The following PPP2R2C variants were observed in gnomAD, a reference collection of about 807,000 sequenced individuals.
The protein encoded by PPP2R2C is protein phosphatase 2 regulatory subunit Bgamma.
In PPP2R2C, 10 loss-of-function variants were observed where a neutral mutation model predicts 45.3. The observed-to-expected ratio is 0.22, with a 90% CI of 0.14 to 0.37. The LOEUF is 0.37. Among genes scored for constraint, PPP2R2C ranks in the 10% least tolerant of loss-of-function variants. The pLI, the probability that PPP2R2C is intolerant of heterozygous loss-of-function variation, is 1.00. For missense variants in PPP2R2C, 308 were observed against 619.7 expected, an observed-to-expected ratio of 0.50 and a Z score of 5.34; for synonymous variants, 257 against 245.4, an observed-to-expected ratio of 1.05 and a Z score of -0.44.
chr4:6,425,857 ATGTGTGGGGTGTGTG>A (rs1215759261), intron 1 of PPP2R2C, among the ~76,000 whole-genome samples: 5 of 148,786 alleles, frequency 3.4e-5, no homozygotes, highest in African/African-American at 1.2e-4. Flanking sequence ...TTATGTGTGT[ATGTGTGGGGTGTGTG>A]TGTGTGGTGT....
intron 1 of PPP2R2C, among the ~76,000 whole-genome samples, chr4:6,404,251 C>T (rs1182582113): frequency 1.3e-5 from 2 of 152,154 alleles, no homozygotes; most frequent in African/African-American, 4.8e-5. Flanking sequence ...TTCCCCAAAG[C>T]CCGGCTGAAG....
chr4:6,410,704 C>T (rs1718112335), intron 1 of PPP2R2C, among the ~76,000 whole-genome samples: 1 of 152,036 alleles, frequency 6.6e-6, no homozygotes, highest in Non-Finnish European at 1.5e-5. Context: ...AAGCCCATCC[C>T]TGCCACTTAC....
intron 1 of PPP2R2C, among the ~76,000 whole-genome samples, chr4:6,545,638 C>T (rs1333121080): frequency 6.6e-6 from 1 of 152,216 alleles, no homozygotes; most frequent in East Asian, 1.9e-4. Context: ...GGCTGCACCT[C>T]TCTGACATCA....
At chr4:6,468,126 G>A (rs1229077964) in intron 1 of PPP2R2C, among the ~76,000 whole-genome samples, 3 of 152,298 alleles carry the variant, frequency 2.0e-5, no homozygotes, top group East Asian at 1.9e-4. Context: ...CAGCTGCAAC[G>A]TCCACCATAA....
chr4:6,541,473 G>A (rs1223036455), intron 1 of PPP2R2C, among the ~76,000 whole-genome samples: 3 of 152,126 alleles, frequency 2.0e-5, no homozygotes, highest in African/African-American at 7.2e-5. Context: ...AGCAGAGGTG[G>A]ACAGAGTGGT....
At chr4:6,445,261 G>A (rs1720361370) in intron 1 of PPP2R2C, among the ~76,000 whole-genome samples, 1 of 151,854 alleles carries the variant, frequency 6.6e-6, no homozygotes, top group African/African-American at 2.4e-5. Context: ...GGCAGTCTCT[G>A]CAACAGCTGA....
chr4:6,368,942 G>A lies in PPP2R2C; in HGVS notation c.625+3581C>T, dbSNP rs148227584. ...CCTGGAAGCAGGCAGGTGGGAAGTC[G>A]GCACAGCCTCCAGTAATGTAATATA... On this transcript the variant is annotated intron_variant, in intron 5 of 8. Transcript: ENST00000382599. The surrounding 1 kb of genome is among the most constrained non-coding windows in gnomAD (Gnocchi z 4.2). Among the ~76,000 whole-genome samples, 833 of 152,248 alleles carry A rather than the reference G, an allele frequency of 5.5e-3. 8 individuals are homozygous for A. Among genetic ancestry groups the A allele is most frequent in the Middle Eastern group, 0.02 (6 of 294 alleles).
intron 2 of PPP2R2C, among the ~76,000 whole-genome samples, chr4:6,512,152 G>GTGC (rs1279962813): frequency 2.4e-4 from 14 of 59,478 alleles, no homozygotes; most frequent in African/African-American, 1.1e-3. Context: ...GGTGGTAGTG[G>GTGC]TGATGGTGAT....
chr4:6,532,566 C>T lies in PPP2R2C; in HGVS notation c.49+2705G>A, dbSNP rs80190640. The stretch of plus-strand genomic sequence containing the variant: ...ACTAGAAAAGCGGGATTTGCCTTCC[C>T]TTAAATGCACATTCCACTCTGCGTT... On this transcript the variant is annotated intron_variant, in intron 2 of 9. Transcript: ENST00000506140. Among the ~76,000 whole-genome samples the T allele has an allele frequency of 6.9e-3, 1,055 of 152,310 alleles. 15 individuals carry two copies. The highest frequency in any genetic ancestry group is 0.024 in the African/African-American group (1,005 of 41,554).
At chr4:6,535,272 G>A (rs559297431) in exon 2 of PPP2R2C, 21 of 1,535,366 alleles carry the variant, frequency 1.4e-5, no homozygotes, top group Middle Eastern at 1.7e-4. Context: ...GCTTCTTACC[G>A]GAAACTTCCA....
At position 6,350,987 on chromosome 4, in the gene PPP2R2C, C is replaced by G. The variant is rs537859888; in HGVS notation, c.626-2977G>C. 3 of 985,350 alleles carry G rather than the reference C, an allele frequency of 3.0e-6. No homozygotes were observed. The African/African-American group carries it at 5.2e-5, about 17-fold the overall frequency. The allele number at this position is 985,350 out of a possible 1,614,324, so 61.0% of individuals were successfully genotyped here. ...ACCCAAACGCTCTTTCCTTTCCCAC[C>G]TGGGGATGTTTCAGAACTTTTCAAA... On this transcript the variant is annotated intron_variant, in intron 5 of 8. Coordinates refer to ENST00000382599, the MANE Select transcript of PPP2R2C (RefSeq NM_020416.4).
At chr4:6,383,241 C>T (rs1487557724) in intron 1 of PPP2R2C, 1 of 1,201,754 alleles carries the variant, frequency 8.3e-7, no homozygotes, top group Non-Finnish European at 1.1e-6. Flanking sequence ...AAGAACCCCC[C>T]CAACCCCCGG....
At chr4:6,382,030 C>A in intron 1 of PPP2R2C, 1 of 1,408,372 alleles carries the variant, frequency 7.1e-7, no homozygotes, top group Admixed American at 3.3e-5. Flanking sequence ...TGGAGGACAG[C>A]TCACCAACCT....
At chr4:6,491,050 A>G (rs927148107) in intron 2 of PPP2R2C, among the ~76,000 whole-genome samples, 16 of 152,182 alleles carry the variant, frequency 1.1e-4, no homozygotes, top group East Asian at 9.7e-4. Flanking sequence ...CACAGCCCCA[A>G]TGCTCCAGGG....
intron 4 of PPP2R2C, among the ~76,000 whole-genome samples, chr4:6,373,161 T>C (rs1196861981): frequency 6.6e-6 from 1 of 152,176 alleles, no homozygotes; most frequent in Non-Finnish European, 1.5e-5. Context: ...CTGGCCCTGA[T>C]GCAGCTAAGC....
chr4:6,395,579 G>A (rs1716965773), intron 1 of PPP2R2C, among the ~76,000 whole-genome samples: 1 of 152,222 alleles, frequency 6.6e-6, no homozygotes, highest in South Asian at 2.1e-4. Flanking sequence ...GGTGTGGGCA[G>A]AGGCGGGACC....
intron 2 of PPP2R2C, among the ~76,000 whole-genome samples, chr4:6,487,821 C>G (rs1722575432): frequency 6.8e-6 from 1 of 147,180 alleles, no homozygotes; most frequent in South Asian, 2.1e-4. Flanking sequence ...CCTCTCCTCT[C>G]TTTCAGAAAC....
In PPP2R2C at chr4:6,403,795, G is replaced by A. The variant is rs530302805; in HGVS notation, c.71-22701C>T. 9.9e-5 allele frequency among the ~76,000 whole-genome samples: 15 copies of A among 151,968 alleles called. No individual in the cohort carries two copies. The South Asian group carries it at 1.9e-3, about 19-fold the overall frequency. On this transcript the variant is annotated intron_variant, in intron 1 of 8. Coordinates refer to ENST00000382599, the MANE Select transcript of PPP2R2C (RefSeq NM_020416.4). ...GGAGAATCGCTTGAACCTGGGAGGC[G>A]GAGGTTGCAGTGTGCAGAGATTGCG...
chr4:6,331,628 G>A lies in PPP2R2C; in HGVS notation c.960+1934C>T, dbSNP rs1022377504. On this transcript the variant is annotated intron_variant, in intron 7 of 8. Coordinates refer to ENST00000382599, the MANE Select transcript of PPP2R2C (RefSeq NM_020416.4). This position sits in a 1 kb window ranked among gnomAD's most constrained non-coding sequence, Gnocchi z 5.9. ...CAACAGACCCCAGGGGTGAGATCTA[G>A]TGCATTTCCTATTTCCTGCCTGGAA... 6.6e-6 allele frequency among the ~76,000 whole-genome samples: 1 copy of A among 152,212 alleles called. No homozygotes were observed. Among genetic ancestry groups the A allele is most frequent in the African/African-American group, 2.4e-5 (1 of 41,454 alleles).
Sources: gnomAD v4.1 joint callset for allele counts (sites outside exome capture counted in the v4.1 genomes callset) on GRCh38, gnomAD v4.1.1 for gene constraint, Gnocchi (gnomAD v3.1) non-coding constraint, MANE v1.5 for transcripts, NCBI Gene and HGNC (gene_info 2026-07-23, HGNC 2026-07-21) for gene names.